The following AK4 variants were observed in gnomAD, a reference collection of about 807,000 sequenced individuals.
AK4 encodes the protein adenylate kinase 4.
A neutral mutation model predicts 24.6 loss-of-function variants in AK4; 13 were observed. That is an observed-to-expected ratio of 0.53 (90% CI 0.34 to 0.84). AK4 has a LOEUF of 0.84. Among genes scored for constraint, AK4 ranks in the 40% least tolerant of loss-of-function variants. The probability of loss-of-function intolerance (pLI) is 0.01; values close to 1 mark genes in which losing one functional copy is unlikely to be tolerated. For synonymous variants in AK4, 88 were observed against 107.0 expected (o/e 0.82, Z 1.10); for missense variants, 192 against 288.2 (o/e 0.67, Z 2.42).
intron 1 of AK4, among the ~76,000 whole-genome samples, chr1:65,177,378 T>G (rs1256979190): frequency 6.6e-6 from 1 of 152,208 alleles, no homozygotes; most frequent in Non-Finnish European, 1.5e-5. Flanking sequence ...TCTTTAGGAA[T>G]AGCTTACAAA....
intron 2 of AK4, among the ~76,000 whole-genome samples, chr1:65,196,270 C>T (rs1651468035): frequency 6.6e-6 from 1 of 151,998 alleles, no homozygotes; most frequent in South Asian, 2.1e-4. Context: ...GTCCATATGG[C>T]TGTAGAGAGG....
At chr1:65,225,194 C>G (rs889540326) in intron 4 of AK4, among the ~76,000 whole-genome samples, 1 of 152,106 alleles carries the variant, frequency 6.6e-6, no homozygotes, top group Non-Finnish European at 1.5e-5. Flanking sequence ...TGTTGATACT[C>G]CCACATATAA....
chr1:65,223,971 C>A (rs1652375530), intron 3 of AK4, among the ~76,000 whole-genome samples: 1 of 151,582 alleles, frequency 6.6e-6, no homozygotes, highest in Admixed American at 6.6e-5. Flanking sequence ...CCAGCCTGGG[C>A]AACAGAGTGA....
intron 1 of AK4, among the ~76,000 whole-genome samples, chr1:65,172,087 A>G (rs1272016393): frequency 1.7e-5 from 2 of 115,656 alleles, no homozygotes; most frequent in African/African-American, 5.4e-5. Context: ...ATATATATAT[A>G]TATATATATA....
At chr1:65,221,577 C>T (rs1419119951) in intron 3 of AK4, among the ~76,000 whole-genome samples, 1 of 152,142 alleles carries the variant, frequency 6.6e-6, no homozygotes, top group Non-Finnish European at 1.5e-5. Context: ...TAAAAATTTT[C>T]TAATTCTTGT....
At position 65,227,272 on chromosome 1, in the gene AK4, A is replaced by T. The variant is rs1383240252; in HGVS notation, c.*1095A>T. 1.7e-4 allele frequency: 24 copies of T among 143,534 alleles called. No individual in the cohort carries two copies. Among genetic ancestry groups the T allele is most frequent in the African/African-American group, 6.2e-4 (24 of 38,774 alleles). 8.9% of individuals were successfully genotyped at this position (143,534 alleles called of 1,614,324 possible). On this transcript the variant is annotated 3_prime_UTR_variant, in exon 5 of 5. Coordinates refer to ENST00000327299, the MANE Select transcript of AK4 (RefSeq NM_013410.4). ...TCACTCCTATGAGTGACCCAAACATATTATAAATATGTGGTAAAGGGAATG... is the reference window on the plus strand; with the variant it reads ...TCACTCCTATGAGTGACCCAAACATTTTATAAATATGTGGTAAAGGGAATG...
intron 1 of AK4, among the ~76,000 whole-genome samples, chr1:65,186,980 A>G (rs1225132742): frequency 6.6e-6 from 1 of 152,204 alleles, no homozygotes; most frequent in Admixed American, 6.5e-5. Flanking sequence ...CATAAATAGG[A>G]GTGAAATATG....
intron 1 of AK4, among the ~76,000 whole-genome samples, chr1:65,157,499 T>C (rs1650021222): frequency 6.6e-6 from 1 of 151,982 alleles, no homozygotes; most frequent in Non-Finnish European, 1.5e-5. Context: ...AATAACACAA[T>C]TGGGCTGGGT....
At chr1:65,168,392 C>T (rs1359588762) in intron 1 of AK4, among the ~76,000 whole-genome samples, 1 of 152,034 alleles carries the variant, frequency 6.6e-6, no homozygotes, top group Non-Finnish European at 1.5e-5. Flanking sequence ...GTGATTTACC[C>T]GCCTTGGCCT....
chr1:65,213,000 A>C (rs973275231), intron 2 of AK4, among the ~76,000 whole-genome samples: 9 of 152,270 alleles, frequency 5.9e-5, no homozygotes, highest in African/African-American at 1.9e-4. Flanking sequence ...CATGTAGTCC[A>C]GCTCCTTCCA....
intron 1 of AK4, among the ~76,000 whole-genome samples, chr1:65,156,419 A>G (rs569873042): frequency 6.6e-6 from 1 of 152,266 alleles, no homozygotes; most frequent in East Asian, 1.9e-4. Flanking sequence ...TAAAGCTTAG[A>G]TAGTGGTTTC....
chr1:65,216,066 TAC>T (rs1652120263), intron 2 of AK4, among the ~76,000 whole-genome samples: 1 of 152,224 alleles, frequency 6.6e-6, no homozygotes, highest in African/African-American at 2.4e-5. Flanking sequence ...AGGTTGAATT[TAC>T]ATCTTCAATA....
intron 1 of AK4, among the ~76,000 whole-genome samples, chr1:65,152,316 ATCTCTC>A (rs1158775260): frequency 0.015 from 494 of 32,384 alleles, 4 homozygotes; most frequent in South Asian, 0.023. Context: ...TGCACTTGCT[ATCTCTC>A]TCTCTCTCTC....
intron 1 of AK4, among the ~76,000 whole-genome samples, chr1:65,151,015 G>A (rs1649753751): frequency 1.3e-5 from 2 of 151,940 alleles, no homozygotes; most frequent in African/African-American, 4.8e-5. Flanking sequence ...GTTCAGTGGC[G>A]CTATCTCGGC....
chr1:65,169,491 T>G (rs1251838177), intron 1 of AK4, among the ~76,000 whole-genome samples: 1 of 152,180 alleles, frequency 6.6e-6, no homozygotes, highest in East Asian at 1.9e-4. Flanking sequence ...TGTTTTGTGT[T>G]TACTCATTTG....
chr1:65,203,247 A>G (rs1254027802), intron 2 of AK4, among the ~76,000 whole-genome samples: 3 of 152,086 alleles, frequency 2.0e-5, no homozygotes, highest in Non-Finnish European at 4.4e-5. Flanking sequence ...CGTTCATGGC[A>G]TAGGTTTGTG....
chr1:65,158,994 A>G (rs1199971816), intron 1 of AK4, among the ~76,000 whole-genome samples: 1 of 152,194 alleles, frequency 6.6e-6, no homozygotes, highest in Non-Finnish European at 1.5e-5. Flanking sequence ...TAACAGTCTC[A>G]CCTCTAAGTT....
intron 1 of AK4, among the ~76,000 whole-genome samples, chr1:65,166,563 A>G (rs1445625171): frequency 6.6e-6 from 1 of 152,148 alleles, no homozygotes; most frequent in Non-Finnish European, 1.5e-5. Flanking sequence ...TTTATCTCCC[A>G]GGCTGGAGGA....
At chr1:65,162,687 A>T (rs1207349221) in intron 1 of AK4, among the ~76,000 whole-genome samples, 2 of 152,138 alleles carry the variant, frequency 1.3e-5, no homozygotes, top group Non-Finnish European at 2.9e-5. Context: ...CAAAAAAAAA[A>T]AGTGTAAAAA....
Sources: gnomAD v4.1 joint callset for allele counts (sites outside exome capture counted in the v4.1 genomes callset) on GRCh38, gnomAD v4.1.1 for gene constraint, MANE v1.5 for transcripts, NCBI Gene and HGNC (gene_info 2026-07-23, HGNC 2026-07-21) for gene names.